The following GABRB1 variants were observed in gnomAD, a reference collection of about 807,000 sequenced individuals.
The protein encoded by GABRB1 is gamma-aminobutyric acid type A receptor subunit beta1.
A neutral mutation model predicts 51.6 loss-of-function variants in GABRB1; 17 were observed. That is an observed-to-expected ratio of 0.33 (90% confidence interval 0.23 to 0.49). The LOEUF is 0.49. GABRB1 is among the 20% of genes least tolerant of loss of function. The probability of loss-of-function intolerance (pLI) is 0.99; values close to 1 mark genes in which losing one functional copy is unlikely to be tolerated. For synonymous variants in GABRB1, 247 were observed against 218.9 expected, an observed-to-expected ratio of 1.13 and a Z score of -1.14; for missense variants, 410 against 600.6, an observed-to-expected ratio of 0.68 and a Z score of 3.32.
chr4:47,103,410 A>G (rs1036799095), intron 3 of GABRB1, among the ~76,000 whole-genome samples: 5 of 152,154 alleles, frequency 3.3e-5, no homozygotes, highest in South Asian at 2.1e-4. Context: ...AAATCCTATT[A>G]TAACCCATGT....
At chr4:47,344,133 G>C (rs1468611229) in intron 5 of GABRB1, among the ~76,000 whole-genome samples, 2 of 152,152 alleles carry the variant, frequency 1.3e-5, no homozygotes, top group Non-Finnish European at 2.9e-5. Context: ...CTCACTGAGG[G>C]ATCATTAACC....
intron 3 of GABRB1, among the ~76,000 whole-genome samples, chr4:47,059,830 C>T (rs1228864467): frequency 1.3e-5 from 2 of 152,150 alleles, no homozygotes; most frequent in African/African-American, 4.8e-5. Flanking sequence ...CCTGACACAT[C>T]CTCCAGATAG....
In GABRB1 at chr4:47,019,625, C is replaced by CTCTCTCTTTCTTTCTTTCTT. The variant is rs1274221477; in HGVS notation, c.-19-12286_-19-12285insCTCTTTCTTTCTTTCTTTCT. Among the ~76,000 whole-genome samples, 136 of 91,102 alleles carry CTCTCTCTTTCTTTCTTTCTT rather than the reference C, an allele frequency of 1.5e-3. 1 individual carries two copies. The highest frequency in any genetic ancestry group is 4.8e-3 in the South Asian group (11 of 2,314). 59.8% of individuals were successfully genotyped at this position (91,102 alleles called of 152,430 possible). A position where few individuals can be genotyped will look rare whatever the true frequency, so the allele number is the denominator to read the frequency against. Reference sequence around the variant, plus strand: ...TCCTCCCTTCTTTCTTTCTTTCTCTCTCTTTCTTTCTTTCTTTCTTTCTTT... The same window carrying CTCTCTCTTTCTTTCTTTCTT: ...TCCTCCCTTCTTTCTTTCTTTCTCTCTCTCTCTTTCTTTCTTTCTTTCTTTCTTTCTTTCTTTCTTTCTTT... On this transcript the variant is annotated intron_variant, in intron 1 of 3. Coordinates refer to the GABRB1 transcript ENST00000513567.
At chr4:47,208,503 T>C (rs1026757755) in intron 4 of GABRB1, among the ~76,000 whole-genome samples, 2 of 152,120 alleles carry the variant, frequency 1.3e-5, no homozygotes, top group Non-Finnish European at 2.9e-5. Context: ...AAGTTACACA[T>C]ATTTAACCAC....
chr4:47,258,094 G>A lies in GABRB1; in HGVS notation c.462-62033G>A, dbSNP rs148872224. 3.1e-4 allele frequency among the ~76,000 whole-genome samples: 47 copies of A among 152,198 alleles called. No homozygotes were observed. In the East Asian group the frequency reaches 8.3e-3, roughly 27 times the overall value. Reference sequence around the variant, plus strand: ...ATTCTAGAGTGTATCTATTAATTCTGTCATGTTCACCTCCTCTTCAGTTAA... The same window carrying A: ...ATTCTAGAGTGTATCTATTAATTCTATCATGTTCACCTCCTCTTCAGTTAA... On this transcript the variant is annotated intron_variant, in intron 4 of 8. Coordinates refer to ENST00000295454, the MANE Select transcript of GABRB1 (RefSeq NM_000812.4).
chr4:47,173,195 C>T (rs1217201826), intron 4 of GABRB1, among the ~76,000 whole-genome samples: 1 of 152,066 alleles, frequency 6.6e-6, no homozygotes, highest in Non-Finnish European at 1.5e-5. Context: ...GTTTTAAACA[C>T]CAAAGGATTA....
At chr4:47,392,113 G>C (rs1728018994) in intron 5 of GABRB1, among the ~76,000 whole-genome samples, 1 of 149,478 alleles carries the variant, frequency 6.7e-6, no homozygotes, top group African/African-American at 2.6e-5. Flanking sequence ...GCAGAAAGGA[G>C]AAGGAGAAGA....
At chr4:47,099,266 T>C (rs1382615385) in intron 3 of GABRB1, among the ~76,000 whole-genome samples, 1 of 152,120 alleles carries the variant, frequency 6.6e-6, no homozygotes, top group African/African-American at 2.4e-5. Flanking sequence ...AATAGGAGTT[T>C]GACTATATTC....
chr4:47,187,003 G>A (rs1006372867), intron 4 of GABRB1, among the ~76,000 whole-genome samples: 2 of 151,864 alleles, frequency 1.3e-5, no homozygotes, highest in African/African-American at 4.8e-5. Flanking sequence ...AAAGGCCAGA[G>A]AGTGGTTAAG....
intron 3 of GABRB1, among the ~76,000 whole-genome samples, chr4:47,089,460 A>T (rs1728210206): frequency 6.6e-6 from 1 of 152,160 alleles, no homozygotes; most frequent in Non-Finnish European, 1.5e-5. Context: ...TAGCATTGAA[A>T]TCTCTACTTT....
intron 4 of GABRB1, among the ~76,000 whole-genome samples, chr4:47,208,794 T>C (rs1406881547): frequency 1.3e-5 from 2 of 152,114 alleles, no homozygotes; most frequent in Non-Finnish European, 1.5e-5. Context: ...TATATTCTTA[T>C]GGTATTTTCA....
chr4:47,008,345 G>T (rs906391577), intron 1 of GABRB1, among the ~76,000 whole-genome samples: 2 of 152,098 alleles, frequency 1.3e-5, no homozygotes, highest in African/African-American at 4.8e-5. Context: ...ACGTGGGCTA[G>T]ATGAGATTCT....
intron 3 of GABRB1, among the ~76,000 whole-genome samples, chr4:47,093,548 A>C (rs1714235323): frequency 6.6e-6 from 1 of 152,198 alleles, no homozygotes; most frequent in African/African-American, 2.4e-5. Flanking sequence ...GTAGTCAGTA[A>C]TTATTTGTAC....
chr4:47,398,928 C>T (rs1353973907), intron 5 of GABRB1, among the ~76,000 whole-genome samples: 1 of 152,160 alleles, frequency 6.6e-6, no homozygotes, highest in African/African-American at 2.4e-5. Context: ...GTAGCTGGGA[C>T]TATAGGGGCC....
At chr4:47,168,835 G>C (rs1363793863) in intron 4 of GABRB1, among the ~76,000 whole-genome samples, 1 of 152,130 alleles carries the variant, frequency 6.6e-6, no homozygotes, top group Non-Finnish European at 1.5e-5. Flanking sequence ...GGTGTTGGCA[G>C]AATTGGTTCA....
chr4:47,240,665 A>G (rs972504213), intron 4 of GABRB1, among the ~76,000 whole-genome samples: 1 of 152,208 alleles, frequency 6.6e-6, no homozygotes, highest in Non-Finnish European at 1.5e-5. Flanking sequence ...GCATAAGAAT[A>G]TACGGAAAGT....
chr4:47,067,126 G>C (rs571764016), intron 3 of GABRB1, among the ~76,000 whole-genome samples: 6 of 152,270 alleles, frequency 3.9e-5, no homozygotes, highest in Admixed American at 1.3e-4. Flanking sequence ...ATCTTGAAAG[G>C]ATTCTTTTTT....
At chr4:47,294,731 T>G (rs1723899101) in intron 4 of GABRB1, among the ~76,000 whole-genome samples, 1 of 152,228 alleles carries the variant, frequency 6.6e-6, no homozygotes, top group East Asian at 1.9e-4. Flanking sequence ...AATGTCCCTG[T>G]CTGACAGCTT....
intron 5 of GABRB1, among the ~76,000 whole-genome samples, chr4:47,354,943 T>G (rs1253495814): frequency 2.8e-5 from 4 of 142,358 alleles, no homozygotes; most frequent in South Asian, 2.4e-4. Flanking sequence ...CTGCCTGCCT[T>G]CCTTTCTCTC....
Sources: allele counts gnomAD v4.1 joint callset (sites outside exome capture counted in the v4.1 genomes callset), GRCh38; gene constraint gnomAD v4.1.1; transcripts MANE v1.5; gene names NCBI Gene and HGNC (gene_info 2026-07-23, HGNC 2026-07-21).